Variants in TNNI3K observed in about 807,000 individuals in gnomAD.
TNNI3K encodes serine/threonine-protein kinase TNNI3K.
Under a neutral mutation model 114.5 loss-of-function variants are expected in TNNI3K, and 140 were observed. The observed-to-expected ratio is 1.22, with a 90% CI of 1.07 to 1.41. TNNI3K has a LOEUF of 1.41. Among genes scored for constraint, TNNI3K ranks in the 40% most tolerant of loss-of-function variants. TNNI3K has a pLI of 0.00. For synonymous variants in TNNI3K, 347 were observed against 347.5 expected (o/e 1.00, Z 0.02); for missense variants, 1,125 against 1,007.6 (o/e 1.12, Z -1.58).
chr1:74,521,232 A>G (rs1415171195), intron 23 of TNNI3K, among the ~76,000 whole-genome samples: 2 of 152,178 alleles, frequency 1.3e-5, no homozygotes, highest in African/African-American at 2.4e-5. Flanking sequence ...ACATTGTGGC[A>G]CTGCCATTTT....
At chr1:74,378,055 T>G (rs1662996994) in intron 17 of TNNI3K, among the ~76,000 whole-genome samples, 1 of 152,090 alleles carries the variant, frequency 6.6e-6, no homozygotes, top group South Asian at 2.1e-4. Context: ...TCAAATCTCC[T>G]CAGCATGAGA....
At chr1:74,395,300 G>T (rs1250413145) in intron 17 of TNNI3K, among the ~76,000 whole-genome samples, 2 of 149,830 alleles carry the variant, frequency 1.3e-5, no homozygotes, top group Non-Finnish European at 3.0e-5. Context: ...GTTTGGACAG[G>T]TGAGTTTATT....
At chr1:74,483,089 T>C (rs542675494) in intron 21 of TNNI3K, among the ~76,000 whole-genome samples, 2 of 152,352 alleles carry the variant, frequency 1.3e-5, no homozygotes, top group South Asian at 4.1e-4. Flanking sequence ...ATTGAGACCA[T>C]CAGGAACAGG....
At chr1:74,521,516 GTA>G (rs45531434) in intron 23 of TNNI3K, among the ~76,000 whole-genome samples, 6 of 150,390 alleles carry the variant, frequency 4.0e-5, no homozygotes, top group African/African-American at 7.3e-5. Context: ...GTGTGTATGT[GTA>G]TATATATATA....
At chr1:74,442,069 G>C (rs892645834) in intron 20 of TNNI3K, among the ~76,000 whole-genome samples, 5 of 151,666 alleles carry the variant, frequency 3.3e-5, no homozygotes, top group African/African-American at 1.2e-4. Context: ...TTTTATAGAA[G>C]TCTTACAGGT....
intron 4 of TNNI3K, among the ~76,000 whole-genome samples, chr1:74,266,609 G>A (rs1226430219): frequency 2.0e-5 from 3 of 151,818 alleles, no homozygotes; most frequent in African/African-American, 7.3e-5. Context: ...TTATACATCA[G>A]TTTCTTTTCT....
Position 74,353,347 on chromosome 1 carries a change from G to A in TNNI3K, c.1014G>A (p.Arg338=). The A allele has an allele frequency of 6.2e-7, 1 of 1,613,706 alleles. No homozygotes were observed. Among genetic ancestry groups the A allele is most frequent in the Non-Finnish European group, 8.5e-7 (1 of 1,179,896 alleles). The stretch of plus-strand genomic sequence containing the variant: ...TCATAAACATCAACCACCAAGGAAG[G>A]GATGGGCACACTGGTAAGACTGTGG... The part of the protein sequence containing the change: ...QNVININHQG[R]DGHTGLHSAC... The change falls in exon 10 of 25, where the codon AGG becomes AGA. Residue 338 remains arginine, a synonymous_variant. Coordinates refer to ENST00000326637, the MANE Select transcript of TNNI3K (RefSeq NM_015978.3).
intron 17 of TNNI3K, chr1:74,376,535 T>C (rs1364602098): frequency 6.6e-6 from 1 of 152,046 alleles, no homozygotes; most frequent in Non-Finnish European, 1.5e-5. Context: ...ATTAAAACTC[T>C]TATGAAATCC....
chr1:74,236,271 T>G, intron 2 of TNNI3K, 61 bp downstream of exon 2: 1 of 1,430,162 alleles, frequency 7.0e-7, no homozygotes, highest in Non-Finnish European at 9.6e-7. Context: ...CCTTATTTTT[T>G]AAAGTATCTG....
chr1:74,343,999 T>C (rs748454273), intron 9 of TNNI3K, among the ~76,000 whole-genome samples: 2 of 152,234 alleles, frequency 1.3e-5, no homozygotes, highest in Non-Finnish European at 2.9e-5. Context: ...ACATTACATA[T>C]GTTTCCATTA....
intron 9 of TNNI3K, among the ~76,000 whole-genome samples, chr1:74,351,374 A>C (rs994306179): frequency 1.3e-5 from 2 of 150,868 alleles, no homozygotes; most frequent in African/African-American, 4.9e-5. Flanking sequence ...GGGTAACCCA[A>C]CCTTTCTCTC....
intron 4 of TNNI3K, among the ~76,000 whole-genome samples, chr1:74,264,543 A>T (rs1238102339): frequency 6.6e-6 from 1 of 152,132 alleles, no homozygotes; most frequent in Non-Finnish European, 1.5e-5. Context: ...ATGCTGGTGA[A>T]GAAAAAATAT....
At chr1:74,273,892 G>A (rs181411338) in intron 5 of TNNI3K, among the ~76,000 whole-genome samples, 4 of 151,970 alleles carry the variant, frequency 2.6e-5, no homozygotes, top group African/African-American at 9.6e-5. Context: ...ATAAAGAAAA[G>A]GGTATCCAAA....
chr1:74,516,679 G>A (rs1646352856), intron 23 of TNNI3K, among the ~76,000 whole-genome samples: 1 of 152,116 alleles, frequency 6.6e-6, no homozygotes, highest in South Asian at 2.1e-4. Context: ...TAAAAAGAAG[G>A]ACATTTCCAC....
Position 74,544,046 on chromosome 1 carries a change from G to A in TNNI3K, c.*64G>A, listed in dbSNP as rs202183652. The A allele has an allele frequency of 3.7e-5, 58 of 1,552,266 alleles. No homozygotes were observed. Among genetic ancestry groups the A allele is most frequent in the Middle Eastern group, 3.4e-4 (2 of 5,876 alleles). On this transcript the variant is annotated 3_prime_UTR_variant, in exon 25 of 25. Transcript: ENST00000326637. Reference sequence around the variant, plus strand: ...AACTGACAGCAACGATTCCAACCACGGCAAGCTGGCTTCCAACTATAACAT... The same window carrying A: ...AACTGACAGCAACGATTCCAACCACAGCAAGCTGGCTTCCAACTATAACAT...
At chr1:74,253,084 C>A (rs1655044029) in intron 4 of TNNI3K, among the ~76,000 whole-genome samples, 1 of 152,138 alleles carries the variant, frequency 6.6e-6, no homozygotes, top group Admixed American at 6.5e-5. Context: ...TTCTCCACAT[C>A]CCCACTAGAT....
intron 17 of TNNI3K, among the ~76,000 whole-genome samples, chr1:74,393,520 T>C (rs1663907656): frequency 6.6e-6 from 1 of 152,170 alleles, no homozygotes; most frequent in Non-Finnish European, 1.5e-5. Flanking sequence ...TAGAAATTAA[T>C]TTTCCAGGCA....
At chr1:74,367,396 G>T in intron 12 of TNNI3K, 54 bp downstream of exon 12, 2 of 1,581,194 alleles carry the variant, frequency 1.3e-6, no homozygotes, top group Non-Finnish European at 1.7e-6. Context: ...GTGCCTAAAG[G>T]TAAACCTGTG....
At chr1:74,440,407 TCTC>T (rs1666324508) in intron 20 of TNNI3K, among the ~76,000 whole-genome samples, 1 of 152,046 alleles carries the variant, frequency 6.6e-6, no homozygotes, top group African/African-American at 2.4e-5. Context: ...TATATTGTAA[TCTC>T]CTAATGGCCA....
Sources: gnomAD v4.1 joint callset for allele counts (sites outside exome capture counted in the v4.1 genomes callset) on GRCh38, gnomAD v4.1.1 for gene constraint, MANE v1.5 for transcripts, NCBI Gene and HGNC (gene_info 2026-07-23, HGNC 2026-07-21) for gene names.